The following ARMC3 variants were observed in gnomAD, a reference collection of about 807,000 sequenced individuals.
The protein encoded by ARMC3 is armadillo repeat containing 3.
A neutral mutation model predicts 90.3 loss-of-function variants in ARMC3; 74 were observed. That is an observed-to-expected ratio of 0.82 (90% CI 0.68 to 0.99). ARMC3 has a LOEUF of 0.99. Ranked by LOEUF, ARMC3 falls within the 50% of genes least tolerant of loss-of-function variation. The pLI, the probability that ARMC3 is intolerant of heterozygous loss-of-function variation, is 0.00. For synonymous variants in ARMC3, 334 were observed against 361.8 expected (o/e 0.92, Z 0.87); for missense variants, 958 against 1,042.8 (o/e 0.92, Z 1.12).
chr10:23,022,952 G>T (rs1838571425), intron 16 of ARMC3, among the ~76,000 whole-genome samples: 1 of 151,970 alleles, frequency 6.6e-6, no homozygotes, highest in African/African-American at 2.4e-5. Flanking sequence ...CTGCAAGAGG[G>T]ACCTAAGCAC....
In ARMC3 at chr10:22,946,161, T is replaced by C; in HGVS notation, c.66T>C (p.Ile22=). The part of the protein sequence containing the change: ...PPKDVFDPLM[I]ESKKAATVVL... ...CCTTTCAGTTTGACCCATTAATGAT[T>C]GAAAGCAAAAAAGCAGCAACTGTGG... The change falls in exon 3 of 19, where the codon ATT becomes ATC. Residue 22 remains isoleucine (I), a synonymous_variant. Coordinates refer to ENST00000298032, the MANE Select transcript of ARMC3 (RefSeq NM_173081.5). The C allele has an allele frequency of 1.9e-6, 3 of 1,610,742 alleles. No individual in the cohort carries two copies. Among genetic ancestry groups the C allele is most frequent in the Non-Finnish European group, 2.5e-6 (3 of 1,178,818 alleles).
chr10:22,985,171 G>C (rs1836363481), intron 10 of ARMC3, among the ~76,000 whole-genome samples: 1 of 150,368 alleles, frequency 6.7e-6, no homozygotes, highest in African/African-American at 2.4e-5. Flanking sequence ...TGGGATTACA[G>C]GTTTGAGCCT....
Position 22,933,945 on chromosome 10 carries a change from A to T in ARMC3, c.48+1901A>T, listed in dbSNP as rs533285766. ...ACTGACAGAGTGGTATTAAAATAAT[A>T]TCTAAGCCCTTTTCTACAGTATTTG... On this transcript the variant is annotated intron_variant, in intron 2 of 18. Coordinates refer to ENST00000298032, the MANE Select transcript of ARMC3 (RefSeq NM_173081.5). Among the ~76,000 whole-genome samples the T allele has an allele frequency of 2.6e-5, 4 of 152,298 alleles. No homozygotes were observed. The South Asian group carries it at 8.3e-4, about 32-fold the overall frequency.
chr10:23,025,218 G>T (rs928615565), intron 16 of ARMC3, among the ~76,000 whole-genome samples: 7 of 151,812 alleles, frequency 4.6e-5, no homozygotes, highest in Non-Finnish European at 8.8e-5. Context: ...AAATTTGCAG[G>T]GATACAGAAG....
intron 3 of ARMC3, among the ~76,000 whole-genome samples, chr10:22,953,078 C>T (rs1360750408): frequency 1.3e-5 from 2 of 152,070 alleles, no homozygotes; most frequent in Non-Finnish European, 2.9e-5. Flanking sequence ...AACACAATCA[C>T]AAAGGCCCTT....
chr10:22,959,630 C>A, intron 6 of ARMC3, 56 bp downstream of exon 6: 1 of 1,498,424 alleles, frequency 6.7e-7, no homozygotes. Context: ...AATTTATTTT[C>A]CCATTAAAAA....
chr10:23,015,336 A>G lies in ARMC3; in HGVS notation c.2045+6405A>G, dbSNP rs372356981. Among the ~76,000 whole-genome samples the G allele has an allele frequency of 3.3e-5, 5 of 152,032 alleles. No homozygotes were observed. In the South Asian group the frequency reaches 6.2e-4, roughly 19 times the overall value. ...TGATTAATTCGTTCCCTGGTTATCCACTCTCCTCCTTCCTTAGTCTTCACC... is the reference window on the plus strand; with the variant it reads ...TGATTAATTCGTTCCCTGGTTATCCGCTCTCCTCCTTCCTTAGTCTTCACC... On this transcript the variant is annotated intron_variant, in intron 16 of 18. Coordinates refer to ENST00000298032, the MANE Select transcript of ARMC3 (RefSeq NM_173081.5).
At chr10:22,977,216 A>G (rs944964418) in intron 8 of ARMC3, among the ~76,000 whole-genome samples, 4 of 152,230 alleles carry the variant, frequency 2.6e-5, no homozygotes, top group East Asian at 1.9e-4. Flanking sequence ...CAAGGTGTCA[A>G]TAAAATAACT....
intron 13 of ARMC3, among the ~76,000 whole-genome samples, chr10:23,003,644 T>A (rs1458924527): frequency 6.6e-6 from 1 of 152,142 alleles, no homozygotes; most frequent in Admixed American, 6.5e-5. Flanking sequence ...CTAGAGGCAG[T>A]CTTAAGTTTC....
chr10:22,961,950 T>A lies in ARMC3; in HGVS notation c.604T>A (p.Ser202Thr). The stretch of plus-strand genomic sequence containing the variant: ...ACCTCCTATCTTAGATCTCTTGAAG[T>A]CAGAATATCCAGTGATTCAGTTGTT... ...AIPPILDLLK[S>T]EYPVIQLLAL... Residue 202 changes from serine to threonine, a missense_variant, in exon 7 of 19, where the codon TCA (serine) becomes ACA (threonine). Physicochemically the swap from Ser to Thr is moderately conservative, Grantham distance 58 (BLOSUM62 1). Transcript: ENST00000298032. 1 of 1,612,550 alleles carries A rather than the reference T, an allele frequency of 6.2e-7. No individual in the cohort carries two copies.
intron 10 of ARMC3, among the ~76,000 whole-genome samples, chr10:22,985,349 A>T (rs1836373115): frequency 6.6e-6 from 1 of 152,084 alleles, no homozygotes; most frequent in Admixed American, 6.6e-5. Context: ...CTGGGTATAA[A>T]TTCAGGGGGG....
intron 8 of ARMC3, among the ~76,000 whole-genome samples, chr10:22,973,747 G>GTCTT (rs1434570920): frequency 8.5e-6 from 1 of 118,312 alleles, no homozygotes. Context: ...TTTTTTCTTT[G>GTCTT]TCTTTCTTTT....
intron 10 of ARMC3, among the ~76,000 whole-genome samples, chr10:22,987,297 C>A (rs1836493449): frequency 1.3e-5 from 2 of 152,144 alleles, no homozygotes; most frequent in Admixed American, 1.3e-4. Flanking sequence ...GAGGAGCAGA[C>A]CCTACACATT....
intron 14 of ARMC3, 75 bp from the exon 15 acceptor site, chr10:23,008,199 ATC>A: frequency 1.4e-6 from 1 of 735,476 alleles, no homozygotes; most frequent in Non-Finnish European, 2.1e-6. Flanking sequence ...TCAGAAAAAA[ATC>A]TGTTTCGTGG....
At chr10:22,985,916 G>C (rs1267931043) in intron 10 of ARMC3, among the ~76,000 whole-genome samples, 1 of 152,040 alleles carries the variant, frequency 6.6e-6, no homozygotes, top group Non-Finnish European at 1.5e-5. Context: ...TTACATCTCT[G>C]TTACAATGTC....
At chr10:22,972,006 C>T (rs1835703098) in intron 8 of ARMC3, among the ~76,000 whole-genome samples, 1 of 152,196 alleles carries the variant, frequency 6.6e-6, no homozygotes, top group Admixed American at 6.5e-5. Context: ...TTGGAGACAT[C>T]TATTCAAGTC....
intron 10 of ARMC3, among the ~76,000 whole-genome samples, chr10:22,989,008 T>A (rs1425186097): frequency 6.6e-6 from 1 of 152,190 alleles, no homozygotes; most frequent in Non-Finnish European, 1.5e-5. Flanking sequence ...GGTTTTTCAT[T>A]TTCGGAGAGT....
intron 15 of ARMC3, among the ~76,000 whole-genome samples, 180 bp downstream of exon 15, chr10:23,008,554 G>T (rs1056926501): frequency 1.3e-5 from 2 of 152,176 alleles, no homozygotes; most frequent in African/African-American, 2.4e-5. Context: ...CAGGAAATCT[G>T]GTTTCACCTT....
intron 10 of ARMC3, among the ~76,000 whole-genome samples, chr10:22,993,306 A>G (rs1836791739): frequency 6.6e-6 from 1 of 152,248 alleles, no homozygotes; most frequent in East Asian, 1.9e-4. Flanking sequence ...ACATCCCTTG[A>G]TAAAAGAGAA....
Sources: allele counts gnomAD v4.1 joint callset (sites outside exome capture counted in the v4.1 genomes callset), GRCh38; gene constraint gnomAD v4.1.1; transcripts MANE v1.5; gene names NCBI Gene and HGNC (gene_info 2026-07-23, HGNC 2026-07-21).